Variants in CCDC148 observed in about 807,000 individuals in gnomAD.
The protein encoded by CCDC148 is coiled-coil domain containing 148.
Under a neutral mutation model 85.7 loss-of-function variants are expected in CCDC148, and 89 were observed. That is an observed-to-expected ratio of 1.04 (90% CI 0.87 to 1.24). The LOEUF is 1.24. Among genes scored for constraint, CCDC148 ranks in the 50% most tolerant of loss-of-function variants. The probability of loss-of-function intolerance (pLI) is 0.00; values close to 1 mark genes in which losing one functional copy is unlikely to be tolerated. For synonymous variants in CCDC148, 230 were observed against 213.9 expected (o/e 1.08, Z -0.66); for missense variants, 692 against 671.7 (o/e 1.03, Z -0.33).
intron 1 of CCDC148, among the ~76,000 whole-genome samples, chr2:158,377,899 C>T (rs1377004593): frequency 6.6e-6 from 1 of 152,140 alleles, no homozygotes; most frequent in East Asian, 1.9e-4. Flanking sequence ...CTGCTTTCCT[C>T]TGTCTTTCCC....
At chr2:158,275,799 C>T (rs1689912208) in intron 9 of CCDC148, among the ~76,000 whole-genome samples, 1 of 151,238 alleles carries the variant, frequency 6.6e-6, no homozygotes, top group African/African-American at 2.4e-5. Flanking sequence ...GTCATGATGA[C>T]TCTGAAAAAG....
Position 158,345,236 on chromosome 2 carries a change from T to C in CCDC148, c.230A>G (p.Tyr77Cys). Reference protein sequence around the residue: ...KQHKQVWWQEYQRLNEVRCKM... With the variant: ...KQHKQVWWQECQRLNEVRCKM... ...TTACCTGACTTCATTCAGCCTCTGGTATTCCTGCCACCACACTTGCTTGTG... is the reference window on the plus strand; with the variant it reads ...TTACCTGACTTCATTCAGCCTCTGGCATTCCTGCCACCACACTTGCTTGTG... Residue 77 changes from tyrosine (Y) to cysteine (C), a missense_variant, in exon 3 of 14, where the codon TAC becomes TGC. Physicochemically the swap from Tyr to Cys is radical, Grantham distance 194. Coordinates refer to ENST00000283233, the MANE Select transcript of CCDC148 (RefSeq NM_138803.4). 6.2e-7 allele frequency: 1 copy of C among 1,613,454 alleles called. No homozygotes were observed. Among genetic ancestry groups the C allele is most frequent in the Non-Finnish European group, 8.5e-7 (1 of 1,179,638 alleles).
At chr2:158,340,473 T>G (rs1213528904) in intron 4 of CCDC148, 80 bp from the exon 5 acceptor site, 1 of 1,510,556 alleles carries the variant, frequency 6.6e-7, no homozygotes, top group African/African-American at 1.4e-5. Context: ...GAGTACAGAT[T>G]TATTTGGGGA....
At chr2:158,455,628 T>C (rs1688626442) in intron 1 of CCDC148, among the ~76,000 whole-genome samples, 1 of 24,100 alleles carries the variant, frequency 4.1e-5, no homozygotes, top group Admixed American at 5.5e-4. Flanking sequence ...ATTTGAGGGG[T>C]AGTAACATAG....
At position 158,278,693 on chromosome 2, in the gene CCDC148, G is replaced by T. The variant is rs568693756; in HGVS notation, c.1111-27781C>A. Among the ~76,000 whole-genome samples, 430 of 152,370 alleles carry T rather than the reference G, an allele frequency of 2.8e-3. 3 individuals carry two copies. The highest frequency in any genetic ancestry group is 9.6e-3 in the African/African-American group (401 of 41,592). ...CTGCCTCTGTAGGCTCCGCCTCTGG[G>T]GGCAGGGCACAGACAAACAAAAAGA... On this transcript the variant is annotated intron_variant, in intron 9 of 13. Coordinates refer to ENST00000283233, the MANE Select transcript of CCDC148 (RefSeq NM_138803.4).
intron 1 of CCDC148, among the ~76,000 whole-genome samples, chr2:158,414,845 A>G (rs994361516): frequency 6.6e-6 from 1 of 152,154 alleles, no homozygotes; most frequent in African/African-American, 2.4e-5. Context: ...AAACTTTAGC[A>G]TTTCTCCTAA....
chr2:158,390,771 C>T (rs867736630), intron 1 of CCDC148, among the ~76,000 whole-genome samples: 14 of 152,126 alleles, frequency 9.2e-5, no homozygotes, highest in Non-Finnish European at 1.8e-4. Flanking sequence ...CTACCTTTTT[C>T]GGCATTTCTA....
intron 1 of CCDC148, among the ~76,000 whole-genome samples, chr2:158,437,591 C>G (rs1378584969): frequency 6.6e-6 from 1 of 152,170 alleles, no homozygotes; most frequent in African/African-American, 2.4e-5. Context: ...CCTCTCTCAC[C>G]CCTCCTATTC....
chr2:158,307,923 A>G (rs1691774344), intron 9 of CCDC148, among the ~76,000 whole-genome samples: 1 of 152,158 alleles, frequency 6.6e-6, no homozygotes, highest in African/African-American at 2.4e-5. Flanking sequence ...GCTGCCAGAA[A>G]CATTCTAGGT....
intron 1 of CCDC148, among the ~76,000 whole-genome samples, chr2:158,414,351 T>C (rs1205240377): frequency 2.0e-5 from 3 of 152,348 alleles, no homozygotes; most frequent in East Asian, 1.9e-4. Flanking sequence ...CAAGTCTTTA[T>C]AGGATTCTTC....
At chr2:158,364,565 G>A (rs1011861397) in intron 1 of CCDC148, among the ~76,000 whole-genome samples, 1 of 152,162 alleles carries the variant, frequency 6.6e-6, no homozygotes, top group South Asian at 2.1e-4. Context: ...ATGGGGAAAG[G>A]ATTCCTTATT....
chr2:158,200,235 T>C, intron 11 of CCDC148, among the ~76,000 whole-genome samples: 1 of 152,234 alleles, frequency 6.6e-6, no homozygotes, highest in East Asian at 1.9e-4. Context: ...TTTCCCATGA[T>C]ATTAAGTTTT....
At position 158,416,389 on chromosome 2, in the gene CCDC148, A is replaced by G. The variant is rs538400077; in HGVS notation, c.25+40026T>C. Among the ~76,000 whole-genome samples the G allele has an allele frequency of 1.2e-3, 185 of 152,330 alleles. 1 individual carries two copies. The highest frequency in any genetic ancestry group is 4.3e-3 in the African/African-American group (178 of 41,578). ...AGCCAGCTGGAAGTTCCAGTTTCAG[A>G]TCATCTCTGCTCACACATATGAGCA... On this transcript the variant is annotated intron_variant, in intron 1 of 13. Coordinates refer to ENST00000283233, the MANE Select transcript of CCDC148 (RefSeq NM_138803.4).
intron 12 of CCDC148, among the ~76,000 whole-genome samples, 155 bp downstream of exon 12, chr2:158,178,724 T>C (rs1247943291): frequency 6.6e-6 from 1 of 152,156 alleles, no homozygotes; most frequent in African/African-American, 2.4e-5. Flanking sequence ...ATAATCTAAT[T>C]GCTCCCAGGA....
At chr2:158,237,172 C>T (rs1399806193) in intron 10 of CCDC148, among the ~76,000 whole-genome samples, 3 of 152,034 alleles carry the variant, frequency 2.0e-5, no homozygotes, top group African/African-American at 4.8e-5. Context: ...TGGGCTGGAG[C>T]TCAACGATGG....
At chr2:158,278,629 A>C (rs893237489) in intron 9 of CCDC148, among the ~76,000 whole-genome samples, 7 of 152,226 alleles carry the variant, frequency 4.6e-5, no homozygotes, top group Non-Finnish European at 7.3e-5. Context: ...CCTCAAAGCT[A>C]CAACTGGGTG....
chr2:158,259,431 G>C (rs1166746333), intron 9 of CCDC148, among the ~76,000 whole-genome samples: 1 of 151,874 alleles, frequency 6.6e-6, no homozygotes, highest in African/African-American at 2.4e-5. Context: ...ATGCTCAATA[G>C]ATATGTTTAA....
chr2:158,436,819 C>T (rs906255016), intron 1 of CCDC148, among the ~76,000 whole-genome samples: 2 of 152,164 alleles, frequency 1.3e-5, no homozygotes, highest in Non-Finnish European at 2.9e-5. Context: ...CACAGAAATA[C>T]AAACTACCAT....
intron 9 of CCDC148, among the ~76,000 whole-genome samples, chr2:158,265,483 C>T (rs974352049): frequency 3.3e-5 from 5 of 151,836 alleles, no homozygotes; most frequent in Admixed American, 1.3e-4. Flanking sequence ...TTTTAATCTT[C>T]GAATACCACT....
Sources: gnomAD v4.1 joint callset for allele counts (sites outside exome capture counted in the v4.1 genomes callset) on GRCh38, gnomAD v4.1.1 for gene constraint, MANE v1.5 for transcripts, NCBI Gene and HGNC (gene_info 2026-07-23, HGNC 2026-07-21) for gene names.